Variants in PDE3B observed in about 807,000 individuals in gnomAD.
PDE3B encodes the protein phosphodiesterase 3B, also known as cGMP-inhibited 3',5'-cyclic phosphodiesterase 3B.
PDE3B carries 66 observed loss-of-function variants against 116.8 expected under a neutral mutation model. The observed-to-expected ratio is 0.56, with a 90% CI of 0.46 to 0.69. The LOEUF (loss-of-function observed/expected upper bound fraction) is 0.69. Among genes scored for constraint, PDE3B ranks in the 30% least tolerant of loss-of-function variants. The probability of loss-of-function intolerance (pLI) is 0.00; values close to 1 mark genes in which losing one functional copy is unlikely to be tolerated. For synonymous variants in PDE3B, 595 were observed against 533.6 expected (o/e 1.12, Z -1.59); for missense variants, 1,384 against 1,368.1 (o/e 1.01, Z -0.18).
the PDE3B span, chr11:14,878,142 TGAG>T: frequency 6.2e-7 from 1 of 1,612,838 alleles, no homozygotes; most frequent in Non-Finnish European, 8.5e-7. Flanking sequence ...TCAGCACAGA[TGAG>T]GTAGGGTTGG....
chr11:14,829,268 A>C (rs573441321), intron 7 of PDE3B, among the ~76,000 whole-genome samples: 17 of 152,152 alleles, frequency 1.1e-4, no homozygotes, highest in Admixed American at 3.3e-4. Flanking sequence ...ATGCTTACCT[A>C]TGTAACAAAC....
intron 1 of PDE3B, among the ~76,000 whole-genome samples, chr11:14,768,176 A>G (rs1857548068): frequency 6.6e-6 from 1 of 151,484 alleles, no homozygotes; most frequent in South Asian, 2.1e-4. Context: ...CACTTTGTCT[A>G]CTTCCTTACC....
the PDE3B span, chr11:14,880,063 T>C: frequency 6.6e-7 from 1 of 1,506,712 alleles, no homozygotes; most frequent in East Asian, 2.3e-5. Context: ...GTATTGTGCA[T>C]GGCCAAGACT....
At chr11:14,646,465 T>C (rs1269694621) in intron 1 of PDE3B, among the ~76,000 whole-genome samples, 2 of 152,202 alleles carry the variant, frequency 1.3e-5, no homozygotes, top group Non-Finnish European at 2.9e-5. Context: ...TAATAGATAG[T>C]ACTTTAGGAA....
chr11:14,729,914 T>TA lies in PDE3B; in HGVS notation c.979-42013dup, dbSNP rs1177333116. 4.7e-4 allele frequency among the ~76,000 whole-genome samples: 71 copies of TA among 149,550 alleles called. No individual in the cohort carries two copies. The East Asian group carries it at 0.012, about 26-fold the overall frequency. On this transcript the variant is annotated intron_variant, in intron 1 of 15. Transcript: ENST00000282096. ...AATCAACTCTGGATATTTTAAGAAC[T>TA]AAAAAAAAAATTGAAACGTTACTGA...
At chr11:14,879,370 C>T in the PDE3B span, 3 of 1,611,094 alleles carry the variant, frequency 1.9e-6, no homozygotes, top group South Asian at 1.1e-5. Context: ...CAGTATAAGG[C>T]ATTTTGCATT....
rs571648664 is a variant in PDE3B at position 14,868,250 on chromosome 11, A to T, written c.3139+492A>T. Among the ~76,000 whole-genome samples the T allele has an allele frequency of 2.0e-5, 3 of 152,324 alleles. No homozygotes were observed. The South Asian group carries it at 6.2e-4, about 32-fold the overall frequency. On this transcript the variant is annotated intron_variant, in intron 15 of 15. Transcript: ENST00000282096. Reference sequence around the variant, plus strand: ...CCAGTACTCTTCACAGTACCTGTGCATGCACGATAGGGCCATCACCACATC... The same window carrying T: ...CCAGTACTCTTCACAGTACCTGTGCTTGCACGATAGGGCCATCACCACATC...
At chr11:14,688,141 CT>C (rs1366339191) in intron 1 of PDE3B, among the ~76,000 whole-genome samples, 14 of 86,402 alleles carry the variant, frequency 1.6e-4, no homozygotes, top group South Asian at 7.8e-4. Flanking sequence ...CTCTCTCTCT[CT>C]CCCTCCCTCC....
At chr11:14,674,185 C>A in intron 1 of PDE3B, 1 of 1,260,948 alleles carries the variant, frequency 7.9e-7, no homozygotes, top group South Asian at 1.2e-5. Flanking sequence ...ACTGGTACTG[C>A]CACCATCTCC....
At chr11:14,820,025 C>T (rs1028829288) in intron 7 of PDE3B, among the ~76,000 whole-genome samples, 7 of 152,074 alleles carry the variant, frequency 4.6e-5, no homozygotes, top group Non-Finnish European at 7.4e-5. Flanking sequence ...AAAGTTAAAC[C>T]AAAAATAGAT....
At chr11:14,862,465 C>G (rs1847968482) in intron 14 of PDE3B, among the ~76,000 whole-genome samples, 1 of 152,098 alleles carries the variant, frequency 6.6e-6, no homozygotes, top group Admixed American at 6.6e-5. Flanking sequence ...AGACTAACTC[C>G]CTGCAGTAGG....
intron 1 of PDE3B, among the ~76,000 whole-genome samples, chr11:14,723,230 C>G: frequency 6.6e-6 from 1 of 152,124 alleles, no homozygotes. Flanking sequence ...ATTGTACTAA[C>G]CATACTGTGA....
chr11:14,868,495 G>A (rs1465717475), intron 15 of PDE3B, among the ~76,000 whole-genome samples: 1 of 152,064 alleles, frequency 6.6e-6, no homozygotes, highest in Non-Finnish European at 1.5e-5. Flanking sequence ...CCAATTTTGT[G>A]GCATTATGAA....
the PDE3B span, chr11:14,892,084 G>A: frequency 1.9e-6 from 3 of 1,611,756 alleles, no homozygotes; most frequent in Non-Finnish European, 2.5e-6. Flanking sequence ...CGGCGGCCCC[G>A]GGGGGAAGCC....
At chr11:14,699,754 C>T (rs775694816) in intron 1 of PDE3B, among the ~76,000 whole-genome samples, 49 of 151,752 alleles carry the variant, frequency 3.2e-4, no homozygotes, top group Non-Finnish European at 6.0e-4. Context: ...ACATTTGGCT[C>T]CCTCTGAAAC....
intron 1 of PDE3B, among the ~76,000 whole-genome samples, chr11:14,711,686 C>T (rs1301699200): frequency 6.6e-6 from 1 of 152,172 alleles, no homozygotes; most frequent in Non-Finnish European, 1.5e-5. Flanking sequence ...ACCTAAACCC[C>T]TCCCACCAGG....
chr11:14,818,229 A>T lies in PDE3B; in HGVS notation c.1569A>T (p.Pro523=). 1.9e-6 allele frequency: 3 copies of T among 1,613,770 alleles called. No homozygotes were observed. Among genetic ancestry groups the T allele is most frequent in the Middle Eastern group, 1.7e-4 (1 of 6,060 alleles). Residue 523 remains proline, a synonymous_variant, in exon 6 of 16, where the codon CCA becomes CCT. Coordinates refer to ENST00000282096, the MANE Select transcript of PDE3B (RefSeq NM_000922.4). ...LSPVNSSNHG[P]VSTGSLTNRS... Reference sequence around the variant, plus strand: ...CTGTGAATTCTTCCAACCATGGACCAGTGTCTACTGGCTCTCTAACTAATC... The same window carrying T: ...CTGTGAATTCTTCCAACCATGGACCTGTGTCTACTGGCTCTCTAACTAATC...
intron 1 of PDE3B, among the ~76,000 whole-genome samples, chr11:14,658,708 T>C (rs1853794596): frequency 6.6e-6 from 1 of 152,232 alleles, no homozygotes; most frequent in South Asian, 2.1e-4. Flanking sequence ...GTACATAATT[T>C]AAAAACTGAG....
chr11:14,650,298 G>A (rs1428250476), intron 1 of PDE3B, among the ~76,000 whole-genome samples: 1 of 151,556 alleles, frequency 6.6e-6, no homozygotes, highest in Non-Finnish European at 1.5e-5. Flanking sequence ...CTGCCTTGCA[G>A]GCTCAAGTAA....
Sources: allele counts gnomAD v4.1 joint callset (sites outside exome capture counted in the v4.1 genomes callset), GRCh38; gene constraint gnomAD v4.1.1; transcripts MANE v1.5; gene names NCBI Gene and HGNC (gene_info 2026-07-23, HGNC 2026-07-21).